DLC1: variants seen among roughly 807,000 people sequenced by gnomAD.
DLC1 encodes rho GTPase-activating protein 7.
DLC1 carries 54 observed loss-of-function variants against 140.3 expected under a neutral mutation model. The observed-to-expected ratio is 0.38, with a 90% CI of 0.31 to 0.48. DLC1 has a LOEUF of 0.48. Ranked by LOEUF, DLC1 falls within the 20% of genes least tolerant of loss-of-function variation. The pLI is 0.96. For synonymous variants in DLC1, 986 were observed against 728.1 expected, an observed-to-expected ratio of 1.35 and a Z score of -5.70; for missense variants, 2,536 against 1,907.0, an observed-to-expected ratio of 1.33 and a Z score of -6.14.
At chr8:13,307,668 T>G (rs1832504588) in intron 4 of DLC1, among the ~76,000 whole-genome samples, 1 of 152,210 alleles carries the variant, frequency 6.6e-6, no homozygotes, top group African/African-American at 2.4e-5. Flanking sequence ...TTAAAGAATG[T>G]TCCTGGAGAA....
intron 1 of DLC1, among the ~76,000 whole-genome samples, chr8:13,593,824 G>C (rs905220874): frequency 6.6e-6 from 1 of 152,090 alleles, no homozygotes; most frequent in Admixed American, 6.6e-5. Flanking sequence ...CCTTGAGGTG[G>C]TGTGGGCAAA....
chr8:13,467,760 C>G (rs1448449569), intron 2 of DLC1, among the ~76,000 whole-genome samples: 1 of 152,138 alleles, frequency 6.6e-6, no homozygotes, highest in Non-Finnish European at 1.5e-5. Context: ...TAGATGTCAA[C>G]TTTTTCCAAA....
At chr8:13,506,446 C>G (rs1327044730) in intron 1 of DLC1, among the ~76,000 whole-genome samples, 1 of 151,342 alleles carries the variant, frequency 6.6e-6, no homozygotes, top group Non-Finnish European at 1.5e-5. Flanking sequence ...AGAATTACTT[C>G]TGGTTTCCCT....
At chr8:13,554,957 T>G (rs1803988749) in intron 1 of DLC1, among the ~76,000 whole-genome samples, 1 of 152,244 alleles carries the variant, frequency 6.6e-6, no homozygotes, top group Admixed American at 6.5e-5. Context: ...CTTCCATTAA[T>G]CTGCTCCCAC....
intron 5 of DLC1, among the ~76,000 whole-genome samples, chr8:13,254,294 AG>A (rs138631347): frequency 0.1 from 15,742 of 152,184 alleles, 996 homozygotes; most frequent in South Asian, 0.17. Context: ...TAAGAGATGT[AG>A]GGACACAGGC....
At chr8:13,422,713 A>G (rs1274397507) in intron 2 of DLC1, among the ~76,000 whole-genome samples, 1 of 152,122 alleles carries the variant, frequency 6.6e-6, no homozygotes, top group Non-Finnish European at 1.5e-5. Flanking sequence ...TATTAGATCA[A>G]TAATATAGTA....
At chr8:13,139,853 G>A (rs935103704) in intron 5 of DLC1, among the ~76,000 whole-genome samples, 1 of 152,162 alleles carries the variant, frequency 6.6e-6, no homozygotes, top group South Asian at 2.1e-4. Context: ...AAAGCAACTA[G>A]GCTACTTTCC....
At chr8:13,430,462 G>C (rs897975354) in intron 2 of DLC1, among the ~76,000 whole-genome samples, 1 of 152,158 alleles carries the variant, frequency 6.6e-6, no homozygotes, top group African/African-American at 2.4e-5. Flanking sequence ...TGGTTGTCAG[G>C]TGATGATTAC....
chr8:13,098,380 T>G lies in DLC1; in HGVS notation c.3167+19A>C, dbSNP rs774604384. ...AATATCATTTTCAACGACAGTTGAC[T>G]GATCATTTAAACTCTTACCAGCTAA... On this transcript the variant is annotated intron_variant, in intron 10 of 17. Transcript: ENST00000276297. 2 of 1,613,108 alleles carry G rather than the reference T, an allele frequency of 1.2e-6. No homozygotes were observed. Among genetic ancestry groups the G allele is most frequent in the Non-Finnish European group, 1.7e-6 (2 of 1,179,312 alleles).
chr8:13,595,655 C>G (rs1218371527), intron 1 of DLC1, among the ~76,000 whole-genome samples: 1 of 151,922 alleles, frequency 6.6e-6, no homozygotes, highest in African/African-American at 2.4e-5. Flanking sequence ...ATGCTGGTAA[C>G]TACTAGAGAT....
rs183033585 is a variant in DLC1, at chr8:13,161,194, G to A, written c.1349-45537C>T. Among the ~76,000 whole-genome samples, 258 of 152,296 alleles carry A rather than the reference G, an allele frequency of 1.7e-3. 3 individuals are homozygous for A. Among genetic ancestry groups the A allele is most frequent in the Admixed American group, 0.015 (231 of 15,298 alleles). ...CCCAAAATATACCACCTATGTCTAC[G>A]TGAAGCAGAAATGAAACCTAGATGA... On this transcript the variant is annotated intron_variant, in intron 5 of 17. Coordinates refer to ENST00000276297, the MANE Select transcript of DLC1 (RefSeq NM_182643.3).
intron 4 of DLC1, among the ~76,000 whole-genome samples, chr8:13,330,365 A>G (rs1248990008): frequency 6.6e-6 from 1 of 152,236 alleles, no homozygotes; most frequent in African/African-American, 2.4e-5. Context: ...CAAACTATGT[A>G]CACACATGTT....
In DLC1 at chr8:13,085,792, G is replaced by C. The variant is rs369010061; in HGVS notation, c.*19C>G. On this transcript the variant is annotated 3_prime_UTR_variant, in exon 18 of 18. Transcript: ENST00000276297. ...AAACAAACACCATGGTGGTGGAAGC[G>C]GTTGCGTTGCTTCAGTGATCACCTA... 3 of 1,613,820 alleles carry C rather than the reference G, an allele frequency of 1.9e-6. No homozygotes were observed. The highest frequency in any genetic ancestry group is 2.5e-6 in the Non-Finnish European group (3 of 1,179,948).
At chr8:13,304,794 A>G in intron 5 of DLC1, 2 of 962,304 alleles carry the variant, frequency 2.1e-6, no homozygotes, top group Non-Finnish European at 2.5e-6. Context: ...CACAGAACAC[A>G]GAAAAATACT....
chr8:13,362,405 G>T (rs1835271421), intron 4 of DLC1, among the ~76,000 whole-genome samples: 2 of 152,178 alleles, frequency 1.3e-5, no homozygotes. Flanking sequence ...GTTGCAGTTA[G>T]ATTCCCGGGC....
At chr8:13,572,093 T>TA (rs55655607) in intron 1 of DLC1, among the ~76,000 whole-genome samples, 8,119 of 56,786 alleles carry the variant, frequency 0.14, 309 homozygotes, top group Non-Finnish European at 0.17. Context: ...TTATTATTAT[T>TA]TATTTTTTTT....
chr8:13,221,231 G>A (rs940863139), intron 5 of DLC1, among the ~76,000 whole-genome samples: 7 of 152,068 alleles, frequency 4.6e-5, no homozygotes, highest in Non-Finnish European at 1.0e-4. Flanking sequence ...CCACTGACCC[G>A]GATGATTACG....
intron 5 of DLC1, among the ~76,000 whole-genome samples, chr8:13,148,562 A>G (rs1443086856): frequency 1.3e-5 from 2 of 152,104 alleles, no homozygotes; most frequent in African/African-American, 4.8e-5. Context: ...AAGCTGACCA[A>G]CTAAATCCTG....
intron 4 of DLC1, among the ~76,000 whole-genome samples, chr8:13,318,783 A>C (rs183880681): frequency 6.6e-6 from 1 of 152,202 alleles, no homozygotes; most frequent in South Asian, 2.1e-4. Context: ...CCCTTTCTAC[A>C]TGTCAGTCCT....
Sources: gnomAD v4.1 joint callset for allele counts (sites outside exome capture counted in the v4.1 genomes callset) on GRCh38, gnomAD v4.1.1 for gene constraint, MANE v1.5 for transcripts, NCBI Gene and HGNC (gene_info 2026-07-23, HGNC 2026-07-21) for gene names.